Variants in FAF1 observed in about 807,000 individuals in gnomAD.
FAF1 encodes FAS-associated factor 1.
Under a neutral mutation model 92.5 loss-of-function variants are expected in FAF1, and 25 were observed. The ratio of observed to expected loss-of-function variants is 0.27; its 90% CI spans 0.20 to 0.38. The LOEUF is 0.38. Ranked by LOEUF, FAF1 falls within the 10% of genes least tolerant of loss-of-function variation. FAF1 has a pLI of 1.00. For missense variants in FAF1, 636 were observed against 793.3 expected, an observed-to-expected ratio of 0.80 and a Z score of 2.38; for synonymous variants, 234 against 273.2, an observed-to-expected ratio of 0.86 and a Z score of 1.42.
chr1:50,760,243 C>T (rs572164656), intron 4 of FAF1, among the ~76,000 whole-genome samples: 68 of 152,212 alleles, frequency 4.5e-4, no homozygotes, highest in African/African-American at 8.4e-4. Context: ...TAATGGGAGA[C>T]TTTAACACCC....
At chr1:50,797,749 T>C (rs2124587015) in intron 3 of FAF1, among the ~76,000 whole-genome samples, 1 of 152,266 alleles carries the variant, frequency 6.6e-6, no homozygotes, top group South Asian at 2.1e-4. Context: ...CACGTGCCTG[T>C]AGACCCAGTT....
intron 2 of FAF1, among the ~76,000 whole-genome samples, chr1:50,829,924 G>A (rs1394954149): frequency 6.6e-6 from 1 of 152,124 alleles, no homozygotes; most frequent in African/African-American, 2.4e-5. Flanking sequence ...AAGAAATAAT[G>A]GTTTGGTAAT....
intron 3 of FAF1, among the ~76,000 whole-genome samples, chr1:50,790,392 G>A (rs1661519137): frequency 2.0e-5 from 3 of 151,950 alleles, no homozygotes; most frequent in Admixed American, 6.6e-5. Context: ...CGCCTGCCTC[G>A]GCCTCCCAAA....
At position 50,905,262 on chromosome 1, in the gene FAF1, A is replaced by G. The variant is rs56172127; in HGVS notation, c.46-47265T>C. ...TAGTATCCCATGGTGTACATGTGCCACATTTTCTTAATCCAGTCTATCATT... is the reference window on the plus strand; with the variant it reads ...TAGTATCCCATGGTGTACATGTGCCGCATTTTCTTAATCCAGTCTATCATT... On this transcript the variant is annotated intron_variant, in intron 1 of 18. Coordinates refer to ENST00000396153, the MANE Select transcript of FAF1 (RefSeq NM_007051.3). Among the ~76,000 whole-genome samples the G allele has an allele frequency of 7.7e-3, 1,174 of 152,298 alleles. 13 individuals are homozygous for G. The highest frequency in any genetic ancestry group is 0.027 in the African/African-American group (1,134 of 41,550).
chr1:50,863,675 G>GT (rs1346495916), intron 1 of FAF1, among the ~76,000 whole-genome samples: 5 of 151,892 alleles, frequency 3.3e-5, no homozygotes, highest in Admixed American at 1.3e-4. Context: ...TTTTTTGGTT[G>GT]TGTCTCTGCC....
intron 8 of FAF1, among the ~76,000 whole-genome samples, chr1:50,634,520 T>C (rs1010336447): frequency 6.6e-6 from 1 of 152,204 alleles, no homozygotes; most frequent in Non-Finnish European, 1.5e-5. Flanking sequence ...AGTGCACATA[T>C]GTATTATAAA....
intron 17 of FAF1, among the ~76,000 whole-genome samples, chr1:50,484,827 T>C (rs1271420551): frequency 6.6e-6 from 1 of 152,128 alleles, no homozygotes; most frequent in Non-Finnish European, 1.5e-5. Flanking sequence ...AAAAGTAGGC[T>C]TAAAAATATC....
chr1:50,749,731 T>G (rs1184992467), intron 4 of FAF1, among the ~76,000 whole-genome samples: 1 of 151,406 alleles, frequency 6.6e-6, no homozygotes, highest in Non-Finnish European at 1.5e-5. Context: ...GAGGCTGCAG[T>G]GAGCCATGAT....
At chr1:50,815,500 T>C (rs566303332) in intron 2 of FAF1, among the ~76,000 whole-genome samples, 1 of 152,230 alleles carries the variant, frequency 6.6e-6, no homozygotes, top group Non-Finnish European at 1.5e-5. Flanking sequence ...GTCTTCGCTA[T>C]GGTGAATACT....
chr1:50,578,788 AAAG>A (rs559439673), intron 12 of FAF1, among the ~76,000 whole-genome samples: 3 of 125,976 alleles, frequency 2.4e-5, no homozygotes, highest in Admixed American at 2.2e-4. Context: ...TACACAGTTA[AAAG>A]AAGATGTATA....
intron 2 of FAF1, among the ~76,000 whole-genome samples, chr1:50,850,402 T>C (rs769955849): frequency 6.6e-6 from 1 of 152,086 alleles, no homozygotes; most frequent in Non-Finnish European, 1.5e-5. Context: ...CATTATTCAG[T>C]TTCCTGTAAC....
intron 1 of FAF1, among the ~76,000 whole-genome samples, chr1:50,913,540 TCA>T (rs1644900714): frequency 6.6e-6 from 1 of 152,184 alleles, no homozygotes; most frequent in Non-Finnish European, 1.5e-5. Flanking sequence ...AGAATCTGTA[TCA>T]CAGTTTTACA....
chr1:50,787,512 G>A (rs1365004072), intron 4 of FAF1, among the ~76,000 whole-genome samples: 3 of 152,208 alleles, frequency 2.0e-5, no homozygotes, highest in African/African-American at 7.2e-5. Context: ...ATTGTAAACA[G>A]TGAGCAGCCC....
At chr1:50,828,331 C>T (rs1034201232) in intron 2 of FAF1, among the ~76,000 whole-genome samples, 1 of 151,164 alleles carries the variant, frequency 6.6e-6, no homozygotes, top group Non-Finnish European at 1.5e-5. Flanking sequence ...TGCAGTGGCA[C>T]GATCTTGGCT....
intron 1 of FAF1, among the ~76,000 whole-genome samples, chr1:50,940,147 A>G (rs1220279433): frequency 1.3e-5 from 2 of 152,158 alleles, no homozygotes; most frequent in Non-Finnish European, 2.9e-5. Context: ...CCTGAGCTCA[A>G]GCAATCTGCC....
In FAF1 at chr1:50,522,466, G is replaced by C. The variant is rs1173489684; in HGVS notation, c.1494+12903C>G. 2.0e-5 allele frequency among the ~76,000 whole-genome samples: 3 copies of C among 152,132 alleles called. No homozygotes were observed. In the East Asian group the frequency reaches 5.8e-4, roughly 29 times the overall value. On this transcript the variant is annotated intron_variant, in intron 15 of 18. Coordinates refer to ENST00000396153, the MANE Select transcript of FAF1 (RefSeq NM_007051.3). ...AAAGGAAGTATCTAACAAAGTGCTT[G>C]GCCCTAGCAATTCACAGCACAAGCT...
At chr1:50,599,484 T>C (rs1390462786) in intron 8 of FAF1, among the ~76,000 whole-genome samples, 1 of 152,150 alleles carries the variant, frequency 6.6e-6, no homozygotes, top group Non-Finnish European at 1.5e-5. Flanking sequence ...CAAATTAAGG[T>C]AGTAACACCA....
At chr1:50,485,049 A>G (rs1412555501) in intron 17 of FAF1, among the ~76,000 whole-genome samples, 1 of 151,972 alleles carries the variant, frequency 6.6e-6, no homozygotes, top group East Asian at 1.9e-4. Flanking sequence ...GCACATGTAT[A>G]CATGTGTAAC....
chr1:50,932,532 G>A (rs1019905627), intron 1 of FAF1, among the ~76,000 whole-genome samples: 5 of 152,238 alleles, frequency 3.3e-5, no homozygotes, highest in Admixed American at 2.6e-4. Context: ...GGTTCCCATG[G>A]TCTTGGGCAG....
Sources: gnomAD v4.1 joint callset for allele counts (sites outside exome capture counted in the v4.1 genomes callset) on GRCh38, gnomAD v4.1.1 for gene constraint, MANE v1.5 for transcripts, NCBI Gene and HGNC (gene_info 2026-07-23, HGNC 2026-07-21) for gene names.